CLSTN2: variants seen among roughly 807,000 people sequenced by gnomAD.
CLSTN2 encodes the protein calsyntenin 2.
Under a neutral mutation model 101.2 loss-of-function variants are expected in CLSTN2, and 48 were observed. The observed-to-expected ratio is 0.47, with a 90% CI of 0.38 to 0.60. The LOEUF (loss-of-function observed/expected upper bound fraction) is 0.60, where lower values mean the gene tolerates loss of function less well. Among genes scored for constraint, CLSTN2 ranks in the 20% least tolerant of loss-of-function variants. CLSTN2 has a pLI of 0.00. For missense variants in CLSTN2, 1,160 were observed against 1,238.2 expected (o/e 0.94, Z 0.95); for synonymous variants, 481 against 463.6 (o/e 1.04, Z -0.48).
Position 140,562,900 on chromosome 3 carries a change from C to A in CLSTN2, c.2302C>A (p.Arg768=). 6.2e-7 allele frequency: 1 copy of A among 1,614,134 alleles called. No homozygotes were observed. The highest frequency in any genetic ancestry group is 8.5e-7 in the Non-Finnish European group (1 of 1,180,012). The part of the protein sequence containing the change: ...RPASLEARRF[R]IKCSELNGRY... Reference sequence around the variant, plus strand: ...GGCTTCCCTTGAGGCCCGGCGTTTCCGGATTAAGTGCTCAGAACTCAATGG... The same window carrying A: ...GGCTTCCCTTGAGGCCCGGCGTTTCAGGATTAAGTGCTCAGAACTCAATGG... The change falls in exon 14 of 17, where the codon CGG becomes AGG. Residue 768 remains arginine (R), a synonymous_variant. Transcript: ENST00000458420.
intron 2 of CLSTN2, among the ~76,000 whole-genome samples, chr3:140,334,929 C>T (rs919276182): frequency 6.6e-6 from 1 of 152,196 alleles, no homozygotes; most frequent in African/African-American, 2.4e-5. Flanking sequence ...TCATCGTTAC[C>T]ATTTGTTGCT....
intron 1 of CLSTN2, among the ~76,000 whole-genome samples, chr3:140,146,488 A>G (rs917976158): frequency 1.3e-5 from 2 of 152,240 alleles, no homozygotes; most frequent in Admixed American, 1.3e-4. Flanking sequence ...TGTAGAAACA[A>G]ATGGGAAGTC....
intron 2 of CLSTN2, among the ~76,000 whole-genome samples, chr3:140,305,712 T>G (rs2087107878): frequency 6.6e-6 from 1 of 152,088 alleles, no homozygotes; most frequent in African/African-American, 2.4e-5. Context: ...CCATGGAAAT[T>G]CAGACTCTTG....
intron 5 of CLSTN2, among the ~76,000 whole-genome samples, chr3:140,438,635 A>C (rs76984937): frequency 6.6e-6 from 1 of 152,156 alleles, no homozygotes; most frequent in Admixed American, 6.5e-5. Flanking sequence ...CCACTGCTCC[A>C]TCTTTACACT....
chr3:140,339,508 T>A (rs1358230774), intron 2 of CLSTN2, among the ~76,000 whole-genome samples: 5 of 152,168 alleles, frequency 3.3e-5, no homozygotes, highest in Non-Finnish European at 7.3e-5. Flanking sequence ...TGCATCCATG[T>A]CACCTGGGGA....
chr3:140,494,854 A>G (rs986639959), intron 8 of CLSTN2, among the ~76,000 whole-genome samples: 1 of 152,166 alleles, frequency 6.6e-6, no homozygotes, highest in African/African-American at 2.4e-5. Context: ...TTGTTTATCC[A>G]GTCTATCATT....
intron 8 of CLSTN2, among the ~76,000 whole-genome samples, chr3:140,516,279 A>G (rs1934915820): frequency 6.6e-6 from 1 of 152,122 alleles, no homozygotes; most frequent in Non-Finnish European, 1.5e-5. Context: ...GTGAATTTTT[A>G]TCCATTCTGC....
intron 1 of CLSTN2, among the ~76,000 whole-genome samples, chr3:139,962,039 ATT>A (rs1431043450): frequency 6.6e-6 from 1 of 152,040 alleles, no homozygotes; most frequent in African/African-American, 2.4e-5. Flanking sequence ...TTTGAGCAGG[ATT>A]TTTTTGGTCA....
At chr3:140,552,874 C>A (rs1033417273) in intron 10 of CLSTN2, among the ~76,000 whole-genome samples, 3 of 152,150 alleles carry the variant, frequency 2.0e-5, no homozygotes, top group African/African-American at 2.4e-5. Context: ...GGGGATGAGG[C>A]TGGAGAAGAG....
At chr3:140,232,533 G>A (rs1477836263) in intron 2 of CLSTN2, among the ~76,000 whole-genome samples, 3 of 152,020 alleles carry the variant, frequency 2.0e-5, no homozygotes, top group Admixed American at 6.6e-5. Context: ...TTTGATCACA[G>A]TTCCTACGGG....
chr3:140,064,160 C>T (rs7633131), intron 1 of CLSTN2, among the ~76,000 whole-genome samples: 28,007 of 152,204 alleles, frequency 0.18, 3,120 homozygotes, highest in East Asian at 0.44. Context: ...GGATGGCTTC[C>T]AGCTGCTAAA....
chr3:140,104,194 C>T (rs1400264584), intron 1 of CLSTN2, among the ~76,000 whole-genome samples: 1 of 152,132 alleles, frequency 6.6e-6, no homozygotes, highest in Non-Finnish European at 1.5e-5. Flanking sequence ...TGAGTTGCAC[C>T]CTTCAAAGGA....
At position 140,571,795 on chromosome 3, in the gene CLSTN2, G is replaced by C. The variant is rs1030435519; in HGVS notation, c.*5542G>C. 1 of 152,238 alleles carries C rather than the reference G, an allele frequency of 6.6e-6. No homozygotes were observed. Among genetic ancestry groups the C allele is most frequent in the Non-Finnish European group, 1.5e-5 (1 of 68,046 alleles). 9.4% of individuals were successfully genotyped at this position (152,238 alleles called of 1,614,324 possible). A position where few individuals can be genotyped will look rare whatever the true frequency, so the allele number is the denominator to read the frequency against. On this transcript the variant is annotated 3_prime_UTR_variant, in exon 17 of 17. Transcript: ENST00000458420. ...AGTGCCAACTGGAAAAGGAGAGTTG[G>C]CTTTACAGGGGCTGTGGATTAAGAG...
intron 1 of CLSTN2, among the ~76,000 whole-genome samples, chr3:139,983,919 G>T (rs1023651108): frequency 4.6e-5 from 7 of 151,952 alleles, no homozygotes; most frequent in Admixed American, 4.6e-4. Context: ...AATATATAAG[G>T]CTATATTATT....
chr3:140,484,895 A>G (rs931723558), intron 8 of CLSTN2, among the ~76,000 whole-genome samples: 8 of 151,988 alleles, frequency 5.3e-5, no homozygotes, highest in Admixed American at 2.0e-4. Flanking sequence ...CTTCTTTGCC[A>G]TGGGTTCGAA....
chr3:140,157,948 A>G (rs1706237436), intron 1 of CLSTN2, among the ~76,000 whole-genome samples: 1 of 152,212 alleles, frequency 6.6e-6, no homozygotes, highest in Non-Finnish European at 1.5e-5. Context: ...AAAAGCTTTC[A>G]ATAAAATCCA....
intron 2 of CLSTN2, among the ~76,000 whole-genome samples, chr3:140,344,684 G>C (rs561507220): frequency 6.6e-6 from 1 of 152,220 alleles, no homozygotes; most frequent in South Asian, 2.1e-4. Flanking sequence ...GACACACTTA[G>C]GTTCCTTGCC....
chr3:140,122,685 A>G (rs1238134615), intron 1 of CLSTN2, among the ~76,000 whole-genome samples: 3 of 152,008 alleles, frequency 2.0e-5, no homozygotes. Context: ...TTGGTGCTGC[A>G]CCCTCTCCAG....
intron 1 of CLSTN2, among the ~76,000 whole-genome samples, chr3:140,037,734 T>TC (rs1376775239): frequency 6.6e-6 from 1 of 152,074 alleles, no homozygotes; most frequent in African/African-American, 2.4e-5. Context: ...TGTGTGTTGT[T>TC]CCCCCCATGT....
Sources: gnomAD v4.1 joint callset for allele counts (sites outside exome capture counted in the v4.1 genomes callset) on GRCh38, gnomAD v4.1.1 for gene constraint, MANE v1.5 for transcripts, NCBI Gene and HGNC (gene_info 2026-07-23, HGNC 2026-07-21) for gene names.